PPARGC1A: variants seen among roughly 807,000 people sequenced by gnomAD.
The protein encoded by PPARGC1A is PPARG coactivator 1 alpha, also known as peroxisome proliferator-activated receptor gamma coactivator 1-alpha.
Under a neutral mutation model 88.7 loss-of-function variants are expected in PPARGC1A, and 25 were observed. That is an observed-to-expected ratio of 0.28 (90% CI 0.21 to 0.39). The LOEUF (loss-of-function observed/expected upper bound fraction) is 0.39. PPARGC1A is among the 10% of genes least tolerant of loss of function. The probability of loss-of-function intolerance (pLI) is 1.00; values close to 1 mark genes in which losing one functional copy is unlikely to be tolerated. For synonymous variants in PPARGC1A, 363 were observed against 355.6 expected, an observed-to-expected ratio of 1.02 and a Z score of -0.24; for missense variants, 880 against 968.7, an observed-to-expected ratio of 0.91 and a Z score of 1.22.
At chr4:24,397,505 C>T in the PPARGC1A span, among the ~76,000 whole-genome samples, 1 of 152,096 alleles carries the variant, frequency 6.6e-6, no homozygotes, top group Admixed American at 6.6e-5. Flanking sequence ...TAAATGTGTT[C>T]CATCCTAAGG....
At chr4:24,017,706 T>C in the PPARGC1A span, among the ~76,000 whole-genome samples, 2 of 152,180 alleles carry the variant, frequency 1.3e-5, no homozygotes, top group Non-Finnish European at 2.9e-5. Context: ...ATTTACAGCA[T>C]TCAGCATACT....
chr4:24,188,912 G>A, the PPARGC1A span, among the ~76,000 whole-genome samples: 1 of 152,062 alleles, frequency 6.6e-6, no homozygotes, highest in South Asian at 2.1e-4. Flanking sequence ...ATCAACAGAC[G>A]AATGAATAAT....
the PPARGC1A span, among the ~76,000 whole-genome samples, chr4:24,160,290 C>T: frequency 6.6e-6 from 1 of 152,250 alleles, no homozygotes; most frequent in East Asian, 1.9e-4. Flanking sequence ...AAAGCCTTGT[C>T]CTTATTCATC....
the PPARGC1A span, among the ~76,000 whole-genome samples, chr4:24,384,957 A>G: frequency 5.9e-5 from 9 of 152,200 alleles, no homozygotes; most frequent in Non-Finnish European, 8.8e-5. Context: ...TCAGCACCAC[A>G]TAGCACTTAT....
intron 12 of PPARGC1A, among the ~76,000 whole-genome samples, chr4:23,800,176 C>A (rs1401396746): frequency 6.6e-6 from 1 of 151,704 alleles, no homozygotes; most frequent in Admixed American, 6.6e-5. Context: ...TTTTACCAAC[C>A]CAGAGAAAGT....
chr4:23,988,325 T>C, the PPARGC1A span, among the ~76,000 whole-genome samples: 1 of 152,072 alleles, frequency 6.6e-6, no homozygotes, highest in Non-Finnish European at 1.5e-5. Flanking sequence ...CTGAGTCAAA[T>C]GGTATTTCTA....
At chr4:24,323,660 A>T in the PPARGC1A span, among the ~76,000 whole-genome samples, 1 of 152,190 alleles carries the variant, frequency 6.6e-6, no homozygotes, top group Non-Finnish European at 1.5e-5. Flanking sequence ...TGAAATAAAC[A>T]GCCATGTTGC....
At chr4:24,177,621 AAATAAATAAAT>A in the PPARGC1A span, among the ~76,000 whole-genome samples, 4,456 of 40,664 alleles carry the variant, frequency 0.11, 143 homozygotes, top group East Asian at 0.24. Context: ...AAGTATAATT[AAATAAATAAAT>A]AAATAAATAA....
the PPARGC1A span, among the ~76,000 whole-genome samples, chr4:24,104,006 G>A: frequency 6.6e-6 from 1 of 152,184 alleles, no homozygotes; most frequent in Non-Finnish European, 1.5e-5. Context: ...AAGAAAGGGG[G>A]ATGTGGCCCC....
chr4:24,317,337 G>C, the PPARGC1A span, among the ~76,000 whole-genome samples: 4 of 151,874 alleles, frequency 2.6e-5, no homozygotes, highest in Admixed American at 2.6e-4. Context: ...ATATAGCAGG[G>C]AAAGTGTGAC....
At chr4:24,380,276 C>T in the PPARGC1A span, among the ~76,000 whole-genome samples, 1 of 152,078 alleles carries the variant, frequency 6.6e-6, no homozygotes, top group Non-Finnish European at 1.5e-5. Context: ...TAAAGAAAGG[C>T]AGTATTCACT....
At chr4:24,268,239 G>T in the PPARGC1A span, among the ~76,000 whole-genome samples, 8 of 152,258 alleles carry the variant, frequency 5.3e-5, no homozygotes, top group African/African-American at 1.9e-4. Flanking sequence ...AGCTGAAAGG[G>T]TGGGTTAATT....
At chr4:24,069,210 G>C in the PPARGC1A span, among the ~76,000 whole-genome samples, 3 of 152,162 alleles carry the variant, frequency 2.0e-5, no homozygotes, top group Non-Finnish European at 4.4e-5. Flanking sequence ...GCAGTGCCTA[G>C]AGCCAATCTC....
At chr4:23,805,903 G>A (rs1012388261) in intron 10 of PPARGC1A, among the ~76,000 whole-genome samples, 2 of 152,092 alleles carry the variant, frequency 1.3e-5, no homozygotes, top group South Asian at 2.1e-4. Context: ...AGCGAAAATC[G>A]ACCATATGTA....
the PPARGC1A span, among the ~76,000 whole-genome samples, chr4:24,316,216 A>G: frequency 6.6e-6 from 1 of 152,212 alleles, no homozygotes; most frequent in Non-Finnish European, 1.5e-5. Flanking sequence ...TGTCAAGACC[A>G]TATGTGTCTG....
chr4:23,889,124 A>C (rs1274082196), intron 1 of PPARGC1A: 1 of 985,152 alleles, frequency 1.0e-6, no homozygotes, highest in African/African-American at 1.7e-5. Flanking sequence ...AGACTGTGGA[A>C]TTGATGTATT....
At chr4:24,030,452 C>A in the PPARGC1A span, among the ~76,000 whole-genome samples, 1 of 152,212 alleles carries the variant, frequency 6.6e-6, no homozygotes, top group East Asian at 1.9e-4. Context: ...AGTTCCACTA[C>A]CCAAGCTGCT....
the PPARGC1A span, among the ~76,000 whole-genome samples, chr4:24,058,491 G>A: frequency 1.3e-5 from 2 of 152,162 alleles, no homozygotes; most frequent in East Asian, 3.9e-4. Flanking sequence ...AAACAAGCCC[G>A]AATTAGAGAC....
At chr4:24,433,879 T>A in the PPARGC1A span, among the ~76,000 whole-genome samples, 1 of 152,184 alleles carries the variant, frequency 6.6e-6, no homozygotes, top group Non-Finnish European at 1.5e-5. Context: ...CAGGACCAGA[T>A]GGTGTTCTCC....
Sources: allele counts gnomAD v4.1 joint callset (sites outside exome capture counted in the v4.1 genomes callset), GRCh38; gene constraint gnomAD v4.1.1; transcripts MANE v1.5; gene names NCBI Gene and HGNC (gene_info 2026-07-23, HGNC 2026-07-21).